The following KY variants were observed in gnomAD, a reference collection of about 807,000 sequenced individuals.
KY encodes kyphoscoliosis peptidase.
Under a neutral mutation model 76.1 loss-of-function variants are expected in KY, and 43 were observed. The ratio of observed to expected loss-of-function variants is 0.57; its 90% confidence interval spans 0.44 to 0.73. The LOEUF is 0.73. Among genes scored for constraint, KY ranks in the 30% least tolerant of loss-of-function variants. KY has a pLI of 0.00. For synonymous variants in KY, 277 were observed against 326.2 expected, an observed-to-expected ratio of 0.85 and a Z score of 1.63; for missense variants, 722 against 828.9, an observed-to-expected ratio of 0.87 and a Z score of 1.58.
chr3:134,646,222 T>C (rs766492), intron 2 of KY, among the ~76,000 whole-genome samples: 91,935 of 152,016 alleles, frequency 0.6, 28,489 homozygotes, highest in East Asian at 0.89. Context: ...TCTACTTCAG[T>C]AGAGCTAAAG....
chr3:134,627,950 C>T (rs977956932), intron 4 of KY, 132 bp from the exon 5 acceptor site: 1 of 704,910 alleles, frequency 1.4e-6, no homozygotes, highest in Admixed American at 2.1e-5. Context: ...TCTCCTTGTT[C>T]CCACCCCACT....
At chr3:134,629,752 G>C in intron 3 of KY, 57 bp from the exon 4 acceptor site, 3 of 1,008,820 alleles carry the variant, frequency 3.0e-6, no homozygotes, top group Non-Finnish European at 4.6e-6. Flanking sequence ...AAGGGTGAAT[G>C]CCTCATGACT....
rs1959001752 is a variant in KY, at chr3:134,602,261, G to A, written c.*1318C>T. ...CCTCTCTCGCCTTTCCCTCTTATCT[G>A]CCCTCGCTGAAGTCAGCCTTTCCTC... On this transcript the variant is annotated 3_prime_UTR_variant, in exon 11 of 11. Coordinates refer to ENST00000423778, the MANE Select transcript of KY (RefSeq NM_178554.6). Among the ~76,000 whole-genome samples the A allele has an allele frequency of 6.6e-6, 1 of 152,130 alleles. No individual in the cohort carries two copies. The highest frequency in any genetic ancestry group is 2.4e-5 in the African/African-American group (1 of 41,424).
At chr3:134,610,077 G>A in intron 9 of KY, 118 bp downstream of exon 9, 1 of 1,092,160 alleles carries the variant, frequency 9.2e-7, no homozygotes, top group South Asian at 1.5e-5. Context: ...GTGGGCATGG[G>A]GCCTCCTGGC....
intron 1 of KY, among the ~76,000 whole-genome samples, chr3:134,648,780 T>C (rs187327820): frequency 6.6e-6 from 1 of 152,336 alleles, no homozygotes; most frequent in Admixed American, 6.5e-5. Context: ...TACGGATTAC[T>C]CCATCCTCTG....
Position 134,610,260 on chromosome 3 carries a change from C to T in KY, c.834G>A (p.Trp278Ter). 1 of 1,613,944 alleles carries T rather than the reference C, an allele frequency of 6.2e-7. No individual in the cohort carries two copies. Among genetic ancestry groups the T allele is most frequent in the East Asian group, 2.2e-5 (1 of 44,876 alleles). Residue 278 changes from tryptophan to a stop codon, truncating the protein, a stop_gained, in exon 9 of 11, where the codon TGG (tryptophan) becomes TGA (stop). Coordinates refer to ENST00000423778, the MANE Select transcript of KY (RefSeq NM_178554.6). LOFTEE classifies it high-confidence loss of function. ...TGCCCCAGGTGCTGTCCACCAGGTG[C>T]CATCTTCCCTCCAGGTACACAGCAT... ...AWNAVYLEGR[W>*]HLVDSTWGSG... is the part of the protein sequence containing the mutation.
rs752417594 is a variant in KY, at chr3:134,604,037, G to A, written c.1528C>T (p.Arg510Cys). Residue 510 changes from arginine (R) to cysteine (C), a missense_variant, in exon 11 of 11, where the codon CGC becomes TGC. Arg to Cys is a radical substitution (Grantham distance 180). Transcript: ENST00000423778. ...DGPITEETQR[R>C]YIFQLHREKQ... ...TCCCGGTGCAGCTGGAAGATGTAGCGCCGCTGTGTCTCCTCAGTGATGGGG... is the reference window on the plus strand; with the variant it reads ...TCCCGGTGCAGCTGGAAGATGTAGCACCGCTGTGTCTCCTCAGTGATGGGG... 1.5e-5 allele frequency: 24 copies of A among 1,613,878 alleles called. No homozygotes were observed. Among genetic ancestry groups the A allele is most frequent in the Middle Eastern group, 1.6e-4 (1 of 6,084 alleles).
At chr3:134,634,101 C>T (rs1314950618) in intron 3 of KY, among the ~76,000 whole-genome samples, 1 of 152,112 alleles carries the variant, frequency 6.6e-6, no homozygotes, top group East Asian at 1.9e-4. Context: ...TATGATTACA[C>T]ACATTAAAGA....
intron 2 of KY, 85 bp from the exon 3 acceptor site, chr3:134,643,463 A>C: frequency 8.2e-7 from 1 of 1,214,510 alleles, no homozygotes; most frequent in Non-Finnish European, 1.2e-6. Context: ...GTTTGCGGGA[A>C]AGGTGGGCTG....
Position 134,604,395 on chromosome 3 carries a change from A to G in KY, c.1170T>C (p.His390=). ...FMFMLNGKQE[H]GLLSLRKNGM... ...CATTCTTCCTTAGGCTCAGCAGCCC[A>G]TGCTCTTGCTTGCCATTGAGCATGA... The change falls in exon 11 of 11, where the codon CAT becomes CAC. Residue 390 remains histidine, a synonymous_variant. Coordinates refer to ENST00000423778, the MANE Select transcript of KY (RefSeq NM_178554.6). 6.2e-7 allele frequency: 1 copy of G among 1,614,036 alleles called. No individual in the cohort carries two copies. The highest frequency in any genetic ancestry group is 1.1e-5 in the South Asian group (1 of 91,090).
intron 6 of KY, 91 bp downstream of exon 6, chr3:134,624,962 T>G (rs1206773805): frequency 9.1e-7 from 1 of 1,103,548 alleles, no homozygotes; most frequent in East Asian, 2.6e-5. Flanking sequence ...ACTCAGGATA[T>G]GTTCAGGAGG....
intron 3 of KY, chr3:134,641,290 C>T (rs1965729943): frequency 6.6e-6 from 1 of 152,138 alleles, no homozygotes; most frequent in South Asian, 2.1e-4. Context: ...GTGAATGTTA[C>T]CTAATATGGT....
rs757337203 is a variant in KY at position 134,600,627 on chromosome 3, C to A, written c.*2952G>T. 5.5e-4 allele frequency among the ~76,000 whole-genome samples: 84 copies of A among 152,294 alleles called. No individual in the cohort carries two copies. The highest frequency in any genetic ancestry group is 1.0e-3 in the Non-Finnish European group (71 of 68,028). Reference sequence around the variant, plus strand: ...CCCTCGGTTCCCTTCTGCCCTGTGGCCTGGGGGCTGCCATCCTGAGAATTG... The same window carrying A: ...CCCTCGGTTCCCTTCTGCCCTGTGGACTGGGGGCTGCCATCCTGAGAATTG... On this transcript the variant is annotated 3_prime_UTR_variant, in exon 11 of 11. Coordinates refer to ENST00000423778, the MANE Select transcript of KY (RefSeq NM_178554.6).
chr3:134,625,083 C>A lies in KY; in HGVS notation c.453G>T (p.Gln151His), dbSNP rs752247157. The A allele has an allele frequency of 4.4e-6, 7 of 1,602,038 alleles. No individual in the cohort carries two copies. The South Asian group carries it at 7.9e-5, about 18-fold the overall frequency. Residue 151 changes from glutamine (Q) to histidine (H), a missense_variant, in exon 6 of 11, where the codon CAG becomes CAT. Physicochemically the swap from Gln to His is conservative, Grantham distance 24. Coordinates refer to ENST00000423778, the MANE Select transcript of KY (RefSeq NM_178554.6). Reference protein sequence around the residue: ...SLKSMSLDLQQFEKLDIYASQ... With the variant: ...SLKSMSLDLQHFEKLDIYASQ... ...AGGCGTAGATATCCAATTTCTCAAACTGCTGCAGGTCCAGGGACATGGATT... is the reference window on the plus strand; with the variant it reads ...AGGCGTAGATATCCAATTTCTCAAAATGCTGCAGGTCCAGGGACATGGATT...
rs866701801 is a variant in KY, at chr3:134,650,763, C to A, written c.136+62G>T. 23 of 1,449,718 alleles carry A rather than the reference C, an allele frequency of 1.6e-5. No individual in the cohort carries two copies. In the Middle Eastern group the frequency reaches 7.1e-4, roughly 45 times the overall value. 89.8% of individuals were successfully genotyped at this position (1,449,718 alleles called of 1,614,324 possible). ...CAATGGGCGCCCCCCGGCGGGCAGGCCCTTGTGGCAAGGAGGCCAAGGTGC... is the reference window on the plus strand; with the variant it reads ...CAATGGGCGCCCCCCGGCGGGCAGGACCTTGTGGCAAGGAGGCCAAGGTGC... On this transcript the variant is annotated intron_variant, in intron 1 of 10. Coordinates refer to ENST00000423778, the MANE Select transcript of KY (RefSeq NM_178554.6).
At chr3:134,608,482 C>G in intron 10 of KY, 167 bp downstream of exon 10, 1 of 1,538,648 alleles carries the variant, frequency 6.5e-7, no homozygotes, top group Non-Finnish European at 8.7e-7. Flanking sequence ...TGGGCTGCCT[C>G]AGCAGCCTCC....
chr3:134,607,518 T>A, intron 10 of KY: 1 of 985,704 alleles, frequency 1.0e-6, no homozygotes, highest in Non-Finnish European at 1.2e-6. Context: ...CAGGCAGTCC[T>A]TTGCTGAGGT....
rs112123912 is a variant in KY at position 134,604,237 on chromosome 3, T to G, written c.1328A>C (p.Gln443Pro). Residue 443 changes from glutamine (Q) to proline (P), a missense_variant, in exon 11 of 11, where the codon CAG (glutamine) becomes CCG (proline). Gln to Pro is a moderately conservative substitution (Grantham distance 76, BLOSUM62 -1). This residue lies in a region of KY where 552 missense variants were observed against 680.9 expected (regional missense o/e 0.81). Transcript: ENST00000423778. ...LKCNYVDMGV[Q>P]LPAELHQPVG... is the part of the protein sequence containing the mutation. The stretch of plus-strand genomic sequence containing the variant: ...GGGCTGGTGAAGCTCAGCAGGCAGC[T>G]GGACACCCATGTCCACATAATTGCA... The G allele has an allele frequency of 6.2e-7, 1 of 1,613,752 alleles. No homozygotes were observed.
intron 6 of KY, among the ~76,000 whole-genome samples, chr3:134,624,153 C>T (rs1963100346): frequency 1.3e-5 from 2 of 152,084 alleles, no homozygotes; most frequent in South Asian, 4.2e-4. Context: ...GGAGTCAATC[C>T]AGCTATCTGG....
Sources: gnomAD v4.1 joint callset for allele counts (sites outside exome capture counted in the v4.1 genomes callset) on GRCh38, gnomAD v4.1.1 for gene constraint, gnomAD v4.1.1 regional missense constraint, MANE v1.5 for transcripts, NCBI Gene and HGNC (gene_info 2026-07-23, HGNC 2026-07-21) for gene names.